Variants in RPS6KC1 observed in about 807,000 individuals in gnomAD.
The protein encoded by RPS6KC1 is ribosomal protein S6 kinase C1, also known as inactive ribosomal protein S6 kinase delta-1.
RPS6KC1 carries 54 observed loss-of-function variants against 103.8 expected under a neutral mutation model. The observed-to-expected ratio is 0.52, with a 90% CI of 0.42 to 0.65. The LOEUF (loss-of-function observed/expected upper bound fraction) is 0.65. Among genes scored for constraint, RPS6KC1 ranks in the 30% least tolerant of loss-of-function variants. RPS6KC1 has a pLI of 0.00. For missense variants in RPS6KC1, 1,151 were observed against 1,253.8 expected (o/e 0.92, Z 1.24); for synonymous variants, 439 against 438.7 (o/e 1.00, Z -0.01).
At chr1:213,661,700 C>G in the RPS6KC1 span, among the ~76,000 whole-genome samples, 2 of 152,180 alleles carry the variant, frequency 1.3e-5, no homozygotes, top group Non-Finnish European at 2.9e-5. Flanking sequence ...GAAGACACAT[C>G]AGCCATCTTA....
chr1:213,177,580 A>G (rs567477320), intron 8 of RPS6KC1, among the ~76,000 whole-genome samples: 2 of 152,314 alleles, frequency 1.3e-5, no homozygotes, highest in South Asian at 4.1e-4. Flanking sequence ...TCTCAAATTC[A>G]TATTACTGAA....
At chr1:213,471,734 T>C in the RPS6KC1 span, among the ~76,000 whole-genome samples, 5 of 148,284 alleles carry the variant, frequency 3.4e-5, no homozygotes, top group Non-Finnish European at 6.0e-5. Context: ...CCTCTTTCTA[T>C]TTTTCTGCCT....
chr1:213,808,639 A>G, the RPS6KC1 span, among the ~76,000 whole-genome samples: 575 of 152,372 alleles, frequency 3.8e-3, 4 homozygotes, highest in African/African-American at 0.012. Context: ...GGAAAAGCGC[A>G]GTATTTGGGT....
chr1:213,653,314 C>G, the RPS6KC1 span, among the ~76,000 whole-genome samples: 4 of 152,024 alleles, frequency 2.6e-5, no homozygotes, highest in Admixed American at 6.6e-5. Flanking sequence ...AAAAAGTTAG[C>G]CAGATGTGGT....
intron 8 of RPS6KC1, among the ~76,000 whole-genome samples, chr1:213,193,165 A>G (rs2092813322): frequency 6.6e-6 from 1 of 151,474 alleles, no homozygotes; most frequent in Admixed American, 6.6e-5. Flanking sequence ...CAAAGAATGT[A>G]TTTTCTATAG....
At chr1:213,772,881 C>G in the RPS6KC1 span, among the ~76,000 whole-genome samples, 1 of 152,194 alleles carries the variant, frequency 6.6e-6, no homozygotes, top group African/African-American at 2.4e-5. Context: ...CTGCTATAAA[C>G]TGCCTGCCGT....
chr1:213,199,687 G>A (rs1247214514), intron 8 of RPS6KC1, among the ~76,000 whole-genome samples: 1 of 152,156 alleles, frequency 6.6e-6, no homozygotes. Flanking sequence ...CATTCAAATA[G>A]GAAGGGAGTC....
At chr1:213,198,259 A>G (rs1010103269) in intron 8 of RPS6KC1, among the ~76,000 whole-genome samples, 1 of 152,234 alleles carries the variant, frequency 6.6e-6, no homozygotes, top group African/African-American at 2.4e-5. Flanking sequence ...ATTTTGTTCA[A>G]CAATGCTAAA....
At chr1:213,598,284 G>C in the RPS6KC1 span, among the ~76,000 whole-genome samples, 1 of 152,178 alleles carries the variant, frequency 6.6e-6, no homozygotes. Flanking sequence ...AGTTAAAAGA[G>C]TACACAACCT....
At chr1:213,463,453 C>G in the RPS6KC1 span, among the ~76,000 whole-genome samples, 1 of 152,114 alleles carries the variant, frequency 6.6e-6, no homozygotes, top group Admixed American at 6.6e-5. Context: ...TTTTAAGAAA[C>G]AGTACGGAGG....
chr1:213,652,792 C>A, the RPS6KC1 span, among the ~76,000 whole-genome samples: 1 of 152,284 alleles, frequency 6.6e-6, no homozygotes, highest in Non-Finnish European at 1.5e-5. Flanking sequence ...TGCAGCCCAA[C>A]CCACCCTGCA....
At chr1:213,544,768 T>G in the RPS6KC1 span, among the ~76,000 whole-genome samples, 2 of 152,178 alleles carry the variant, frequency 1.3e-5, no homozygotes, top group Non-Finnish European at 2.9e-5. Flanking sequence ...GTGGCCCCCT[T>G]TACTATTCAC....
the RPS6KC1 span, among the ~76,000 whole-genome samples, chr1:213,376,084 C>CTGTGTG: frequency 4.1e-3 from 571 of 140,332 alleles, 2 homozygotes; most frequent in African/African-American, 0.01. Flanking sequence ...CTCGTGACAA[C>CTGTGTG]TGTGTGTGTG....
chr1:213,093,907 C>G (rs758113970), intron 3 of RPS6KC1, among the ~76,000 whole-genome samples: 43 of 152,098 alleles, frequency 2.8e-4, no homozygotes, highest in Non-Finnish European at 4.4e-4. Context: ...TTTTGTGTTG[C>G]TCCGCTGTGA....
chr1:213,499,748 T>TG, the RPS6KC1 span, among the ~76,000 whole-genome samples: 2 of 152,242 alleles, frequency 1.3e-5, no homozygotes, highest in African/African-American at 4.8e-5. Flanking sequence ...ACCTAGGCTA[T>TG]GTGCTATAGC....
In RPS6KC1 at chr1:213,240,777, A is replaced by C; in HGVS notation, c.1301A>C (p.Lys434Thr). 2 of 1,613,932 alleles carry C rather than the reference A, an allele frequency of 1.2e-6. No homozygotes were observed. Among genetic ancestry groups the C allele is most frequent in the Non-Finnish European group, 1.7e-6 (2 of 1,179,876 alleles). ...GAAAGCTTTGACATCAAGGAAGTGA[A>C]AAAACCTACACTTGCAAAAGTTCAC... is the stretch of plus-strand genomic sequence containing the variant. Reference protein sequence around the residue: ...PEESFDIKEVKKPTLAKVHLQ... With the variant: ...PEESFDIKEVTKPTLAKVHLQ... Residue 434 changes from lysine (K) to threonine (T), a missense_variant, in exon 11 of 15, where the codon AAA becomes ACA. Physicochemically the swap from Lys to Thr is moderately conservative, Grantham distance 78 (BLOSUM62 -1). This residue lies in a region of RPS6KC1 where 959 missense variants were observed against 1,006.3 expected (regional missense o/e 0.95). Transcript: ENST00000366960.
the RPS6KC1 span, among the ~76,000 whole-genome samples, chr1:213,456,479 G>T: frequency 1.3e-5 from 2 of 151,938 alleles, no homozygotes; most frequent in South Asian, 2.1e-4. Context: ...TTCATTTGTC[G>T]CCTTTCTTCA....
chr1:213,699,256 T>A, the RPS6KC1 span, among the ~76,000 whole-genome samples: 1 of 152,072 alleles, frequency 6.6e-6, no homozygotes, highest in Non-Finnish European at 1.5e-5. Flanking sequence ...ATTCTCTACC[T>A]CCTTAAGTTC....
the RPS6KC1 span, among the ~76,000 whole-genome samples, chr1:213,572,935 TTCTC>T: frequency 2.0e-5 from 3 of 152,158 alleles, no homozygotes. Context: ...GTTTCTCTCT[TTCTC>T]TCTTTCTTTT....
Sources: gnomAD v4.1 joint callset for allele counts (sites outside exome capture counted in the v4.1 genomes callset) on GRCh38, gnomAD v4.1.1 for gene constraint, gnomAD v4.1.1 regional missense constraint, MANE v1.5 for transcripts, NCBI Gene and HGNC (gene_info 2026-07-23, HGNC 2026-07-21) for gene names.